The following SDK1 variants were observed in gnomAD, a reference collection of about 807,000 sequenced individuals.
The protein encoded by SDK1 is protein sidekick-1.
A neutral mutation model predicts 245.5 loss-of-function variants in SDK1; 157 were observed. That is an observed-to-expected ratio of 0.64 (90% confidence interval 0.56 to 0.73). The LOEUF (loss-of-function observed/expected upper bound fraction) is 0.73. Among genes scored for constraint, SDK1 ranks in the 30% least tolerant of loss-of-function variants. The probability of loss-of-function intolerance (pLI) is 0.00; values close to 1 mark genes in which losing one functional copy is unlikely to be tolerated. For missense variants in SDK1, 3,583 were observed against 3,002.3 expected (o/e 1.19, Z -4.52); for synonymous variants, 1,647 against 1,278.5 (o/e 1.29, Z -6.15).
At chr7:4,003,020 C>A (rs1277912054) in intron 14 of SDK1, among the ~76,000 whole-genome samples, 1 of 152,190 alleles carries the variant, frequency 6.6e-6, no homozygotes, top group Non-Finnish European at 1.5e-5. Flanking sequence ...GGGCATCAGG[C>A]CCCCCAACAC....
chr7:3,490,213 A>C (rs1781827009), intron 1 of SDK1, among the ~76,000 whole-genome samples: 1 of 152,188 alleles, frequency 6.6e-6, no homozygotes, highest in Non-Finnish European at 1.5e-5. Flanking sequence ...CATCCAGGTA[A>C]TGTAATGTGA....
At chr7:3,937,877 G>T (rs1297784924) in intron 5 of SDK1, among the ~76,000 whole-genome samples, 2 of 151,736 alleles carry the variant, frequency 1.3e-5, no homozygotes, top group African/African-American at 4.8e-5. Context: ...TCACTCTGTC[G>T]CCCAGACTGG....
At chr7:4,197,279 G>T (rs1783635002) in intron 35 of SDK1, among the ~76,000 whole-genome samples, 1 of 150,942 alleles carries the variant, frequency 6.6e-6, no homozygotes, top group South Asian at 2.1e-4. Flanking sequence ...CCTGAGCAAT[G>T]TAGCAAGACC....
In SDK1 at chr7:4,266,038, A is replaced by G; in HGVS notation, c.*654A>G. On this transcript the variant is annotated 3_prime_UTR_variant, in exon 45 of 45. Coordinates refer to ENST00000404826, the MANE Select transcript of SDK1 (RefSeq NM_152744.4). ...CAGCCGTCACTGTCTGTGTCACTGC[A>G]GTGGTGCGGTCCTCAGGCTTTTCTG... 2 of 985,434 alleles carry G rather than the reference A, an allele frequency of 2.0e-6. No individual in the cohort carries two copies. Among genetic ancestry groups the G allele is most frequent in the South Asian group, 4.7e-5 (1 of 21,284 alleles). 61.0% of individuals were successfully genotyped at this position (985,434 alleles called of 1,614,324 possible).
At chr7:4,086,041 CCTTTTT>C (rs1192173161) in intron 22 of SDK1, among the ~76,000 whole-genome samples, 1 of 152,126 alleles carries the variant, frequency 6.6e-6, no homozygotes, top group African/African-American at 2.4e-5. Context: ...TTTGGTTTTT[CCTTTTT>C]CTTTTTCTTT....
intron 4 of SDK1, among the ~76,000 whole-genome samples, chr7:3,692,729 AT>A (rs1400268607): frequency 6.6e-6 from 1 of 152,096 alleles, no homozygotes; most frequent in Non-Finnish European, 1.5e-5. Context: ...ATTATAGAAT[AT>A]TTATACTCTT....
chr7:3,643,213 C>G (rs973119745), intron 4 of SDK1: 1 of 152,098 alleles, frequency 6.6e-6, no homozygotes, highest in African/African-American at 2.4e-5. Context: ...TCTCCCACCC[C>G]TACCTGAGCA....
At chr7:3,563,944 T>C (rs185809218) in intron 1 of SDK1, among the ~76,000 whole-genome samples, 1 of 152,090 alleles carries the variant, frequency 6.6e-6, no homozygotes, top group African/African-American at 2.4e-5. Context: ...AATAACATAT[T>C]TCTAAATAGC....
At chr7:3,618,646 A>C (rs1001248450) in intron 1 of SDK1, among the ~76,000 whole-genome samples, 1 of 152,226 alleles carries the variant, frequency 6.6e-6, no homozygotes, top group East Asian at 1.9e-4. Context: ...TTATGTATGT[A>C]TGTCAATCTT....
rs148223805 is a variant in SDK1 at position 3,597,955 on chromosome 7, C to T, written c.299-21125C>T. 6.6e-4 allele frequency among the ~76,000 whole-genome samples: 101 copies of T among 152,174 alleles called. No homozygotes were observed. In the East Asian group the frequency reaches 0.017, roughly 26 times the overall value. Reference sequence around the variant, plus strand: ...TTTTTTTCCTCTTGGGGGAAATATCCAGGCCTGGAACTTCTGGATCATTGT... The same window carrying T: ...TTTTTTTCCTCTTGGGGGAAATATCTAGGCCTGGAACTTCTGGATCATTGT... On this transcript the variant is annotated intron_variant, in intron 1 of 44. Coordinates refer to ENST00000404826, the MANE Select transcript of SDK1 (RefSeq NM_152744.4).
rs372052155 is a variant in SDK1 at position 4,010,973 on chromosome 7, A to C, written c.2139A>C (p.Pro713=). Reference sequence around the variant, plus strand: ...TTTTCTTCATTCTTTCAGACTCTCCATGGAAGGTGCATCTGTCAAACGTTG... The same window carrying C: ...TTTTCTTCATTCTTTCAGACTCTCCCTGGAAGGTGCATCTGTCAAACGTTG... ...YIVELSENNS[P]WKVHLSNVGP... The change falls in exon 15 of 45, where the codon CCA becomes CCC. Residue 713 remains proline (P), a synonymous_variant. Coordinates refer to ENST00000404826, the MANE Select transcript of SDK1 (RefSeq NM_152744.4). 3.7e-6 allele frequency: 6 copies of C among 1,614,142 alleles called. No individual in the cohort carries two copies. The highest frequency in any genetic ancestry group is 4.2e-6 in the Non-Finnish European group (5 of 1,180,004).
At chr7:3,961,014 A>G (rs1270262382) in intron 8 of SDK1, among the ~76,000 whole-genome samples, 2 of 152,224 alleles carry the variant, frequency 1.3e-5, no homozygotes, top group Non-Finnish European at 2.9e-5. Context: ...ATTTTTCAAC[A>G]AATGACAATC....
In SDK1 at chr7:3,814,832, C is replaced by G. The variant is rs1394012404; in HGVS notation, c.714-6618C>G. The stretch of plus-strand genomic sequence containing the variant: ...TCTCCTTGAAGAGGTCCTTCACATC[C>G]CTTGTAAGGTGGATTCCTAGGTATT... On this transcript the variant is annotated intron_variant, in intron 4 of 44. Transcript: ENST00000404826. Among the ~76,000 whole-genome samples, 10 of 151,074 alleles carry G rather than the reference C, an allele frequency of 6.6e-5. No homozygotes were observed. In the South Asian group the frequency reaches 1.7e-3, roughly 25 times the overall value.
At chr7:3,934,880 G>A (rs1232954321) in intron 5 of SDK1, among the ~76,000 whole-genome samples, 1 of 152,200 alleles carries the variant, frequency 6.6e-6, no homozygotes, top group Non-Finnish European at 1.5e-5. Context: ...TCTCATCAGT[G>A]AGCATTCATC....
Position 4,268,316 on chromosome 7 carries a change from T to A in SDK1, c.*2932T>A. ...CCTCCTGGGGTGCCAGGGCAGAGAT[T>A]CCAGGCAGGTGAGCCCAGAGAGAGC... On this transcript the variant is annotated 3_prime_UTR_variant, in exon 45 of 45. Coordinates refer to ENST00000404826, the MANE Select transcript of SDK1 (RefSeq NM_152744.4). 1 of 1,028,098 alleles carries A rather than the reference T, an allele frequency of 9.7e-7. No homozygotes were observed. Among genetic ancestry groups the A allele is most frequent in the South Asian group, 3.6e-5 (1 of 27,992 alleles). 63.7% of individuals were successfully genotyped at this position (1,028,098 alleles called of 1,614,324 possible). A position where few individuals can be genotyped will look rare whatever the true frequency, so the allele number is the denominator to read the frequency against.
At chr7:3,980,161 A>G (rs748922626) in intron 13 of SDK1, among the ~76,000 whole-genome samples, 9 of 152,200 alleles carry the variant, frequency 5.9e-5, no homozygotes, top group Non-Finnish European at 1.2e-4. Flanking sequence ...GAAAAAAAGT[A>G]CTTATCTGAT....
intron 1 of SDK1, among the ~76,000 whole-genome samples, chr7:3,558,009 C>T (rs552417500): frequency 8.0e-5 from 12 of 150,388 alleles, no homozygotes; most frequent in Admixed American, 4.6e-4. Context: ...CCCCACCCCC[C>T]GACCCTGTTC....
chr7:3,630,864 G>A (rs748226184), intron 2 of SDK1, among the ~76,000 whole-genome samples: 3 of 151,898 alleles, frequency 2.0e-5, no homozygotes, highest in South Asian at 2.1e-4. Context: ...CTTTAGGCCC[G>A]AGACCCTGAG....
At chr7:3,973,461 A>G (rs529998297) in intron 12 of SDK1, among the ~76,000 whole-genome samples, 6 of 152,342 alleles carry the variant, frequency 3.9e-5, no homozygotes, top group African/African-American at 1.4e-4. Context: ...GTGTATTTGA[A>G]AAGAAAAATG....
Sources: allele counts gnomAD v4.1 joint callset (sites outside exome capture counted in the v4.1 genomes callset), GRCh38; gene constraint gnomAD v4.1.1; transcripts MANE v1.5; gene names NCBI Gene and HGNC (gene_info 2026-07-23, HGNC 2026-07-21).